TMEM178B: variants seen among roughly 807,000 people sequenced by gnomAD.
TMEM178B encodes transmembrane protein 178B.
A neutral mutation model predicts 31.0 loss-of-function variants in TMEM178B; 5 were observed. That is an observed-to-expected ratio of 0.16 (90% CI 0.08 to 0.34). The LOEUF is 0.34. TMEM178B is among the 10% of genes least tolerant of loss of function. The probability of loss-of-function intolerance (pLI) is 1.00; values close to 1 mark genes in which losing one functional copy is unlikely to be tolerated. For synonymous variants in TMEM178B, 164 were observed against 164.0 expected (o/e 1.00, Z 0.00); for missense variants, 275 against 400.3 (o/e 0.69, Z 2.67).
chr7:141,435,613 A>G (rs1222240998), intron 2 of TMEM178B, among the ~76,000 whole-genome samples: 1 of 151,502 alleles, frequency 6.6e-6, no homozygotes, highest in Non-Finnish European at 1.5e-5. Flanking sequence ...ATGATTCAAT[A>G]AGAAGGGGCA....
intron 2 of TMEM178B, among the ~76,000 whole-genome samples, chr7:141,255,710 T>A (rs576658174): frequency 6.6e-6 from 1 of 152,168 alleles, no homozygotes; most frequent in South Asian, 2.1e-4. Flanking sequence ...GTAGACTGGA[T>A]ATTGTCCCCG....
At position 141,460,763 on chromosome 7, in the gene TMEM178B, A is replaced by G. The variant is rs527647630; in HGVS notation, c.635-9773A>G. On this transcript the variant is annotated intron_variant, in intron 3 of 3. Transcript: ENST00000565468. Reference sequence around the variant, plus strand: ...CCCAGAGGCTTGACTCCCGAGTTCCACTCCTGGCAGAGTCCTCCTGGAGTC... The same window carrying G: ...CCCAGAGGCTTGACTCCCGAGTTCCGCTCCTGGCAGAGTCCTCCTGGAGTC... 4.4e-4 allele frequency among the ~76,000 whole-genome samples: 67 copies of G among 151,968 alleles called. 1 individual carries two copies. Among genetic ancestry groups the G allele is most frequent in the Non-Finnish European group, 2.5e-4 (17 of 67,948 alleles).
At chr7:141,311,449 A>G (rs1040484486) in intron 2 of TMEM178B, among the ~76,000 whole-genome samples, 4 of 152,186 alleles carry the variant, frequency 2.6e-5, no homozygotes, top group Admixed American at 6.5e-5. Flanking sequence ...TCTTTTTTCA[A>G]TTAGATTGCT....
chr7:141,105,283 G>A (rs976807770), intron 1 of TMEM178B, among the ~76,000 whole-genome samples: 5 of 152,252 alleles, frequency 3.3e-5, no homozygotes, highest in South Asian at 4.1e-4. Flanking sequence ...CGAGGTGGGC[G>A]GATCACTTGA....
chr7:141,320,610 C>G (rs1259434534), intron 2 of TMEM178B, among the ~76,000 whole-genome samples: 1 of 152,154 alleles, frequency 6.6e-6, no homozygotes, highest in African/African-American at 2.4e-5. Flanking sequence ...CCATCCTGAG[C>G]TAATTCTGGA....
the TMEM178B span, among the ~76,000 whole-genome samples, chr7:141,492,952 A>G: frequency 6.6e-6 from 1 of 152,190 alleles, no homozygotes; most frequent in African/African-American, 2.4e-5. Context: ...GAGGATTATT[A>G]AAGGGGGAAT....
At chr7:141,290,672 C>G (rs1798530862) in intron 2 of TMEM178B, among the ~76,000 whole-genome samples, 1 of 152,338 alleles carries the variant, frequency 6.6e-6, no homozygotes, top group East Asian at 1.9e-4. Context: ...TGTAGAATAA[C>G]TTTTCTATCA....
At chr7:141,131,310 T>G (rs1351318310) in intron 1 of TMEM178B, among the ~76,000 whole-genome samples, 1 of 152,240 alleles carries the variant, frequency 6.6e-6, no homozygotes, top group African/African-American at 2.4e-5. Flanking sequence ...AATCTTATAC[T>G]AAGCAGCTTA....
chr7:141,074,979 A>T lies in TMEM178B; in HGVS notation c.382+287A>T, dbSNP rs752055391. Among the ~76,000 whole-genome samples the T allele has an allele frequency of 4.6e-5, 7 of 152,206 alleles. No individual in the cohort carries two copies. Among genetic ancestry groups the T allele is most frequent in the Non-Finnish European group, 1.0e-4 (7 of 68,036 alleles). ...TTCTTATCCAGGATAATGCTTCATC[A>T]GCCTCTGAGAAGAAGGGAATCTGGA... is the stretch of plus-strand genomic sequence containing the variant. On this transcript the variant is annotated intron_variant, in intron 1 of 3. Coordinates refer to ENST00000565468, the MANE Select transcript of TMEM178B (RefSeq NM_001195278.2). This position sits in a 1 kb window ranked among gnomAD's most constrained non-coding sequence, Gnocchi z 5.1.
At chr7:141,114,188 C>A (rs1032368758) in intron 1 of TMEM178B, among the ~76,000 whole-genome samples, 22 of 152,252 alleles carry the variant, frequency 1.4e-4, no homozygotes, top group African/African-American at 5.1e-4. Flanking sequence ...GTTGCTGAGG[C>A]AGGCAGGCAT....
chr7:141,256,508 G>C (rs981662013), intron 2 of TMEM178B, among the ~76,000 whole-genome samples: 36 of 152,312 alleles, frequency 2.4e-4, no homozygotes, highest in Non-Finnish European at 4.7e-4. Context: ...AGGTGAGAGT[G>C]GTAAGGGGTA....
intron 2 of TMEM178B, among the ~76,000 whole-genome samples, chr7:141,271,177 G>C (rs184986505): frequency 6.6e-6 from 1 of 152,326 alleles, no homozygotes; most frequent in East Asian, 1.9e-4. Flanking sequence ...GTTCCAGTGA[G>C]TATTGTTCCT....
At chr7:141,349,928 A>AATCCATGCATCC (rs1379576932) in intron 2 of TMEM178B, among the ~76,000 whole-genome samples, 1 of 151,786 alleles carries the variant, frequency 6.6e-6, no homozygotes, top group Non-Finnish European at 1.5e-5. Flanking sequence ...CCTGAGGAAG[A>AATCCATGCATCC]ATCCATGCAT....
At chr7:141,293,619 C>T (rs536100208) in intron 2 of TMEM178B, among the ~76,000 whole-genome samples, 1 of 152,246 alleles carries the variant, frequency 6.6e-6, no homozygotes, top group South Asian at 2.1e-4. Context: ...TCAAGAATGT[C>T]AGCTTCACTC....
intron 2 of TMEM178B, among the ~76,000 whole-genome samples, chr7:141,326,111 T>C (rs1406544378): frequency 6.6e-6 from 1 of 152,230 alleles, no homozygotes; most frequent in Non-Finnish European, 1.5e-5. Flanking sequence ...TTGTCTACCA[T>C]GCATTCACCA....
At position 141,479,255 on chromosome 7, in the gene TMEM178B, C is replaced by CA. The variant is rs1437629618; in HGVS notation, c.*8470dup. 7 of 152,262 alleles carry CA rather than the reference C, an allele frequency of 4.6e-5. No individual in the cohort carries two copies. Among genetic ancestry groups the CA allele is most frequent in the Admixed American group, 3.3e-4 (5 of 15,288 alleles). 9.4% of individuals were successfully genotyped at this position (152,262 alleles called of 1,614,324 possible). A position where few individuals can be genotyped will look rare whatever the true frequency, so the allele number is the denominator to read the frequency against. ...ACAACATTTCGTCACCTGGGCCAGTCACCTGCTAATATCATCTCACCAATA... is the reference window on the plus strand; with the variant it reads ...ACAACATTTCGTCACCTGGGCCAGTCAACCTGCTAATATCATCTCACCAATA... On this transcript the variant is annotated 3_prime_UTR_variant, in exon 4 of 4. Coordinates refer to ENST00000565468, the MANE Select transcript of TMEM178B (RefSeq NM_001195278.2).
At chr7:141,367,219 T>C (rs1056679625) in intron 2 of TMEM178B, among the ~76,000 whole-genome samples, 1 of 151,722 alleles carries the variant, frequency 6.6e-6, no homozygotes, top group East Asian at 1.9e-4. Context: ...ACAAACCAAT[T>C]ATTTGATAAC....
chr7:141,326,176 T>TGTTA (rs1318277024), intron 2 of TMEM178B, among the ~76,000 whole-genome samples: 1 of 152,218 alleles, frequency 6.6e-6, no homozygotes, highest in African/African-American at 2.4e-5. Context: ...TATTTTTAAT[T>TGTTA]ACATGTTAAC....
At chr7:141,101,907 A>ATGTGTGTGTGTGTGTGTG (rs1795064734) in intron 1 of TMEM178B, among the ~76,000 whole-genome samples, 2 of 124,494 alleles carry the variant, frequency 1.6e-5, no homozygotes, top group South Asian at 3.0e-4. Flanking sequence ...GTGTGTGTTA[A>ATGTGTGTGTGTGTGTGTG]CGTGTGTGTG....
Sources: gnomAD v4.1 joint callset for allele counts (sites outside exome capture counted in the v4.1 genomes callset) on GRCh38, gnomAD v4.1.1 for gene constraint, Gnocchi (gnomAD v3.1) non-coding constraint, MANE v1.5 for transcripts, NCBI Gene and HGNC (gene_info 2026-07-23, HGNC 2026-07-21) for gene names.